The following NBN variants were observed in gnomAD, a reference collection of about 807,000 sequenced individuals.
NBN encodes nibrin.
In NBN, 88 loss-of-function variants were observed where a neutral mutation model predicts 90.8. The observed-to-expected ratio is 0.97, with a 90% confidence interval of 0.82 to 1.16. The LOEUF is 1.16. NBN is among the 50% of genes most tolerant of loss of function. The probability of loss-of-function intolerance (pLI) is 0.00; values close to 1 mark genes in which losing one functional copy is unlikely to be tolerated. For missense variants in NBN, 894 were observed against 869.6 expected (o/e 1.03, Z -0.35); for synonymous variants, 328 against 295.1 (o/e 1.11, Z -1.14).
At chr8:89,946,333 G>A (rs768943641) in intron 12 of NBN, 38 bp from the exon 13 acceptor site, 2 of 1,525,754 alleles carry the variant, frequency 1.3e-6, no homozygotes, top group Non-Finnish European at 1.8e-6. Flanking sequence ...AGAAAGAGAA[G>A]AAATAACAAA....
At chr8:89,938,210 AGAGT>A (rs775420137) in intron 14 of NBN, among the ~76,000 whole-genome samples, 41 of 152,338 alleles carry the variant, frequency 2.7e-4, no homozygotes, top group Non-Finnish European at 3.8e-4. Context: ...AAATACAGAT[AGAGT>A]AAGTCCTGAC....
chr8:89,953,491 T>A lies in NBN; in HGVS notation c.1598A>T (p.Lys533Ile), dbSNP rs1810546274. The change falls in exon 11 of 16, where the codon AAA (lysine) becomes ATA (isoleucine). Residue 533 changes from lysine (K) to isoleucine (I), a missense_variant. Coordinates refer to ENST00000265433, the MANE Select transcript of NBN (RefSeq NM_002485.5). ...FTDTDLKSIV[K>I]NSASKSHAAE... ...AGCATGAGATTTACTGGCAGAATTT[T>A]TCACAATAGATTTTAAATCTGTATC... The A allele has an allele frequency of 6.2e-7, 1 of 1,613,644 alleles. No individual in the cohort carries two copies. Among genetic ancestry groups the A allele is most frequent in the South Asian group, 1.1e-5 (1 of 91,072 alleles).
At position 89,978,293 on chromosome 8, in the gene NBN, T is replaced by G. The variant is rs61754966; in HGVS notation, c.511A>C (p.Ile171Leu). ...TCAGTAAAATATTCTGGCTTTACAA[T>G]TGGACGTCCACAAATGAGTGCACAT... ...TICALICGRP[I>L]VKPEYFTEFL... Residue 171 changes from isoleucine to leucine, a missense_variant, in exon 5 of 16, where the codon ATT becomes CTT. Coordinates refer to ENST00000265433, the MANE Select transcript of NBN (RefSeq NM_002485.5). 1 of 1,593,784 alleles carries G rather than the reference T, an allele frequency of 6.3e-7. No individual in the cohort carries two copies. Among genetic ancestry groups the G allele is most frequent in the African/African-American group, 1.3e-5 (1 of 74,444 alleles).
chr8:89,957,065 A>G (rs770497143), intron 9 of NBN, among the ~76,000 whole-genome samples: 10 of 152,236 alleles, frequency 6.6e-5, no homozygotes, highest in Admixed American at 3.3e-4. Flanking sequence ...TGTATTTACT[A>G]TATTATACTT....
intron 5 of NBN, among the ~76,000 whole-genome samples, chr8:89,972,592 T>C (rs1164455578): frequency 4.6e-5 from 7 of 152,226 alleles, no homozygotes; most frequent in Admixed American, 3.9e-4. Context: ...TTCGGACACA[T>C]AAAAAGGATC....
intron 1 of NBN, 141 bp from the exon 2 acceptor site, chr8:89,982,996 A>G: frequency 1.1e-6 from 1 of 895,304 alleles, no homozygotes. Flanking sequence ...ATGTTAGTCA[A>G]CTTTACATAT....
At chr8:89,958,970 C>A (rs940540460) in intron 8 of NBN, 116 bp from the exon 9 acceptor site, 10 of 1,360,460 alleles carry the variant, frequency 7.4e-6, no homozygotes, top group Non-Finnish European at 1.0e-5. Flanking sequence ...GGGAATACTG[C>A]ACATGGTTTT....
chr8:89,956,214 A>G (rs982177666), intron 9 of NBN, among the ~76,000 whole-genome samples: 11 of 151,446 alleles, frequency 7.3e-5, no homozygotes, highest in Non-Finnish European at 1.3e-4. Flanking sequence ...AAAAAACAAA[A>G]ACAAGAGGTC....
chr8:89,969,160 C>G (rs1001136431), intron 7 of NBN, among the ~76,000 whole-genome samples: 1 of 152,160 alleles, frequency 6.6e-6, no homozygotes, highest in South Asian at 2.1e-4. Context: ...ACATGAAGAG[C>G]AATTTAGTCA....
intron 8 of NBN, among the ~76,000 whole-genome samples, chr8:89,963,728 A>T (rs1563547199): frequency 6.6e-6 from 1 of 152,144 alleles, no homozygotes; most frequent in Non-Finnish European, 1.5e-5. Context: ...ATGCTAGGAA[A>T]CTAGGAGTTG....
In NBN at chr8:89,958,592, C is replaced by T; in HGVS notation, c.1124+133G>A. The T allele has an allele frequency of 2.7e-6, 3 of 1,124,262 alleles. No homozygotes were observed. In the South Asian group the frequency reaches 4.0e-5, roughly 15 times the overall value. The allele number at this position is 1,124,262 out of a possible 1,614,324, so 69.6% of individuals were successfully genotyped here. The stretch of plus-strand genomic sequence containing the variant: ...CCTGCTGACCCTTGTCCTAAGATAT[C>T]ATTTTCCCTGGTATCCCATTCTTCC... On this transcript the variant is annotated intron_variant, in intron 9 of 15. Coordinates refer to ENST00000265433, the MANE Select transcript of NBN (RefSeq NM_002485.5).
At chr8:89,942,197 G>C (rs1809981178) in intron 14 of NBN, among the ~76,000 whole-genome samples, 1 of 152,106 alleles carries the variant, frequency 6.6e-6, no homozygotes, top group Non-Finnish European at 1.5e-5. Context: ...TCTTCATTCT[G>C]GCACTTAGTG....
chr8:89,955,071 G>GTACATACTTAAAAAAC (rs1563530170), intron 10 of NBN, among the ~76,000 whole-genome samples: 1 of 151,988 alleles, frequency 6.6e-6, no homozygotes, highest in African/African-American at 2.4e-5. Flanking sequence ...AAAATAACAC[G>GTACATACTTAAAAAAC]TAAGTACATA....
At chr8:89,966,939 A>AT (rs1342480736) in intron 7 of NBN, among the ~76,000 whole-genome samples, 2 of 152,256 alleles carry the variant, frequency 1.3e-5, no homozygotes, top group African/African-American at 4.8e-5. Flanking sequence ...AAAAGATGGT[A>AT]TCAAAATACT....
intron 1 of NBN, among the ~76,000 whole-genome samples, chr8:89,983,431 C>CAA (rs35054147): frequency 5.8e-5 from 7 of 121,336 alleles, no homozygotes; most frequent in African/African-American, 1.5e-4. Flanking sequence ...GACTCCGTCT[C>CAA]AAAAAAAAAA....
chr8:89,959,274 T>C (rs913954123), intron 8 of NBN, among the ~76,000 whole-genome samples: 2 of 152,220 alleles, frequency 1.3e-5, no homozygotes, highest in Non-Finnish European at 2.9e-5. Flanking sequence ...AAACAAATCA[T>C]GTAAAACCAT....
chr8:89,980,082 T>C (rs1811984830), intron 4 of NBN, among the ~76,000 whole-genome samples: 1 of 152,148 alleles, frequency 6.6e-6, no homozygotes, highest in South Asian at 2.1e-4. Flanking sequence ...ATAAAATCAA[T>C]TTCATAAATG....
At chr8:89,951,535 G>A (rs1810449813) in intron 11 of NBN, among the ~76,000 whole-genome samples, 1 of 152,214 alleles carries the variant, frequency 6.6e-6, no homozygotes, top group South Asian at 2.1e-4. Flanking sequence ...AAGTAACAAT[G>A]TAAATCCATA....
chr8:89,982,550 C>A, intron 2 of NBN, 172 bp downstream of exon 2: 6 of 625,382 alleles, frequency 9.6e-6, no homozygotes, highest in South Asian at 5.9e-5. Flanking sequence ...GAACAAATAC[C>A]ACTGGTACCA....
Sources: allele counts gnomAD v4.1 joint callset (sites outside exome capture counted in the v4.1 genomes callset), GRCh38; gene constraint gnomAD v4.1.1; transcripts MANE v1.5; gene names NCBI Gene and HGNC (gene_info 2026-07-23, HGNC 2026-07-21).